The following NRXN1 variants were observed in gnomAD, a reference collection of about 807,000 sequenced individuals.
NRXN1 encodes the protein neurexin 1.
Under a neutral mutation model 150.9 loss-of-function variants are expected in NRXN1, and 39 were observed. That is an observed-to-expected ratio of 0.26 (90% CI 0.20 to 0.34). The LOEUF is 0.34. Ranked by LOEUF, NRXN1 falls within the 10% of genes least tolerant of loss-of-function variation. The probability of loss-of-function intolerance (pLI) is 1.00; values close to 1 mark genes in which losing one functional copy is unlikely to be tolerated. For synonymous variants in NRXN1, 924 were observed against 757.0 expected (o/e 1.22, Z -3.62); for missense variants, 1,815 against 1,949.9 (o/e 0.93, Z 1.30).
At chr2:50,874,295 A>G (rs958546937) in intron 5 of NRXN1, among the ~76,000 whole-genome samples, 1 of 151,888 alleles carries the variant, frequency 6.6e-6, no homozygotes, top group African/African-American at 2.4e-5. Context: ...TGTAAACTGA[A>G]TATCAACACA....
At chr2:50,766,445 G>T (rs781053688) in intron 5 of NRXN1, among the ~76,000 whole-genome samples, 104 of 152,142 alleles carry the variant, frequency 6.8e-4, no homozygotes, top group Admixed American at 1.1e-3. Context: ...CTCAGTGATT[G>T]GCAGGAGCTT....
At chr2:50,694,170 A>G (rs1421634738) in intron 5 of NRXN1, among the ~76,000 whole-genome samples, 1 of 152,184 alleles carries the variant, frequency 6.6e-6, no homozygotes, top group African/African-American at 2.4e-5. Context: ...TTTTAAAATA[A>G]TGGGTACCAA....
chr2:50,773,631 C>G (rs964702237), intron 5 of NRXN1, among the ~76,000 whole-genome samples: 2 of 152,114 alleles, frequency 1.3e-5, no homozygotes, highest in African/African-American at 2.4e-5. Flanking sequence ...AAGCTATAAG[C>G]GCCAATCTCT....
At chr2:50,317,683 T>C (rs919905793) in intron 17 of NRXN1, among the ~76,000 whole-genome samples, 1 of 151,832 alleles carries the variant, frequency 6.6e-6, no homozygotes, top group South Asian at 2.1e-4. Context: ...AGAAGAAAAG[T>C]AAAACCATGG....
intron 19 of NRXN1, among the ~76,000 whole-genome samples, chr2:50,066,359 GATA>G (rs981086329): frequency 1.3e-5 from 2 of 152,120 alleles, no homozygotes; most frequent in African/African-American, 2.4e-5. Flanking sequence ...CAAGATAATA[GATA>G]ATGAGACATA....
At chr2:50,212,537 T>C (rs1484180884) in intron 18 of NRXN1, among the ~76,000 whole-genome samples, 1 of 151,782 alleles carries the variant, frequency 6.6e-6, no homozygotes, top group Non-Finnish European at 1.5e-5. Flanking sequence ...GATAAATAAC[T>C]GTTAACTGAA....
At chr2:50,809,983 A>C (rs917619210) in intron 5 of NRXN1, among the ~76,000 whole-genome samples, 1 of 152,178 alleles carries the variant, frequency 6.6e-6, no homozygotes, top group Admixed American at 6.5e-5. Flanking sequence ...CAATTTCTTC[A>C]CTGAACCTAC....
At chr2:50,881,436 G>A (rs1414720452) in intron 5 of NRXN1, among the ~76,000 whole-genome samples, 1 of 151,914 alleles carries the variant, frequency 6.6e-6, no homozygotes, top group Non-Finnish European at 1.5e-5. Context: ...CTGTGATTTA[G>A]TACATGATTT....
chr2:50,078,897 C>T (rs1697488343), intron 19 of NRXN1, among the ~76,000 whole-genome samples: 1 of 152,062 alleles, frequency 6.6e-6, no homozygotes, highest in Admixed American at 6.5e-5. Flanking sequence ...TTTTAGACTA[C>T]ATAAATTACT....
intron 18 of NRXN1, among the ~76,000 whole-genome samples, chr2:50,169,628 G>C (rs2059903171): frequency 6.7e-6 from 1 of 150,064 alleles, no homozygotes; most frequent in African/African-American, 2.5e-5. Flanking sequence ...AAGGAGAATT[G>C]CTTGAACCCA....
At chr2:50,745,809 G>C (rs1363606076) in intron 5 of NRXN1, among the ~76,000 whole-genome samples, 4 of 152,024 alleles carry the variant, frequency 2.6e-5, no homozygotes, top group Non-Finnish European at 4.4e-5. Flanking sequence ...GAATAGCATG[G>C]GGGAACTACC....
intron 18 of NRXN1, among the ~76,000 whole-genome samples, chr2:50,184,426 A>T (rs1483038927): frequency 1.3e-5 from 2 of 152,056 alleles, no homozygotes; most frequent in South Asian, 4.1e-4. Flanking sequence ...CCTAACATGT[A>T]AAAATACTTA....
intron 15 of NRXN1, among the ~76,000 whole-genome samples, chr2:50,495,031 CAA>C (rs557134128): frequency 6.7e-4 from 54 of 80,286 alleles, no homozygotes; most frequent in Admixed American, 8.5e-4. Context: ...ACTCTGTCTC[CAA>C]AAAAAAAAAA....
At chr2:50,262,106 C>A (rs976355791) in intron 17 of NRXN1, among the ~76,000 whole-genome samples, 62 of 151,886 alleles carry the variant, frequency 4.1e-4, no homozygotes, top group African/African-American at 1.4e-3. Flanking sequence ...ATTCAGCAGA[C>A]AACATGCAAT....
chr2:50,156,142 T>C (rs1403060058), intron 18 of NRXN1, among the ~76,000 whole-genome samples: 4 of 151,726 alleles, frequency 2.6e-5, no homozygotes, highest in Non-Finnish European at 5.9e-5. Flanking sequence ...ATATTACTTT[T>C]GGAATAAAAA....
At chr2:50,198,582 C>T (rs2061925841) in intron 18 of NRXN1, among the ~76,000 whole-genome samples, 1 of 151,984 alleles carries the variant, frequency 6.6e-6, no homozygotes, top group African/African-American at 2.4e-5. Flanking sequence ...TTTTAAAATA[C>T]AATACAAATT....
At chr2:50,205,697 T>C (rs1027433873) in intron 18 of NRXN1, among the ~76,000 whole-genome samples, 2 of 152,030 alleles carry the variant, frequency 1.3e-5, no homozygotes, top group Admixed American at 6.6e-5. Context: ...AAGGTGGAAA[T>C]AACCCAAATA....
intron 18 of NRXN1, among the ~76,000 whole-genome samples, chr2:50,206,264 ACAAT>A (rs2062571124): frequency 2.7e-5 from 4 of 146,522 alleles, no homozygotes; most frequent in African/African-American, 1.0e-4. Flanking sequence ...CACACACACA[ACAAT>A]TTTTTTCCTA....
At chr2:49,975,559 A>G (rs891108420) in intron 21 of NRXN1, among the ~76,000 whole-genome samples, 4 of 152,164 alleles carry the variant, frequency 2.6e-5, no homozygotes, top group African/African-American at 9.7e-5. Context: ...TCTTTCATTC[A>G]ATATTGACTA....
Sources: allele counts gnomAD v4.1 joint callset (sites outside exome capture counted in the v4.1 genomes callset), GRCh38; gene constraint gnomAD v4.1.1; transcripts MANE v1.5; gene names NCBI Gene and HGNC (gene_info 2026-07-23, HGNC 2026-07-21).